The following NRXN3 variants were observed in gnomAD, a reference collection of about 807,000 sequenced individuals.
NRXN3 encodes the protein neurexin 3.
NRXN3 carries 32 observed loss-of-function variants against 137.6 expected under a neutral mutation model. The observed-to-expected ratio is 0.23, with a 90% CI of 0.18 to 0.31. The LOEUF (loss-of-function observed/expected upper bound fraction) is 0.31, where lower values mean the gene tolerates loss of function less well. NRXN3 is among the 10% of genes least tolerant of loss of function. The pLI, the probability that NRXN3 is intolerant of heterozygous loss-of-function variation, is 1.00. For missense variants in NRXN3, 1,574 were observed against 2,062.5 expected (o/e 0.76, Z 4.59); for synonymous variants, 798 against 784.5 (o/e 1.02, Z -0.29).
intron 15 of NRXN3, among the ~76,000 whole-genome samples, chr14:79,223,103 A>C (rs1448402186): frequency 1.3e-5 from 2 of 152,190 alleles, no homozygotes; most frequent in Admixed American, 6.5e-5. Context: ...CCTGAGTTAG[A>C]AAACTGACCT....
chr14:79,805,236 C>A (rs1449876214), intron 20 of NRXN3, 46 bp downstream of exon 20: 2 of 1,413,688 alleles, frequency 1.4e-6, no homozygotes, highest in Non-Finnish European at 1.0e-6. Context: ...TTTTCTTTTG[C>A]AAAAAACAAT....
chr14:79,664,709 C>T (rs922673442), intron 17 of NRXN3, among the ~76,000 whole-genome samples: 1 of 152,152 alleles, frequency 6.6e-6, no homozygotes, highest in African/African-American at 2.4e-5. Flanking sequence ...TCAGCTTTCC[C>T]TCTTGCCTCT....
chr14:79,147,776 T>G (rs1274244410), intron 15 of NRXN3, among the ~76,000 whole-genome samples: 2 of 152,146 alleles, frequency 1.3e-5, no homozygotes, highest in Middle Eastern at 3.2e-3. Context: ...GCATCGTTGC[T>G]TTCCAGATGC....
chr14:79,197,818 G>A lies in NRXN3; in HGVS notation c.3262+209677G>A, dbSNP rs114349976. On this transcript the variant is annotated intron_variant, in intron 15 of 20. Transcript: ENST00000335750. Reference sequence around the variant, plus strand: ...CATGAAAGACTTCTTTGTAGCATGCGATGCTATTTGATAGCATTTTACCCA... The same window carrying A: ...CATGAAAGACTTCTTTGTAGCATGCAATGCTATTTGATAGCATTTTACCCA... Among the ~76,000 whole-genome samples the A allele has an allele frequency of 2.0e-3, 303 of 152,248 alleles. 1 individual carries two copies. Among genetic ancestry groups the A allele is most frequent in the African/African-American group, 6.3e-3 (261 of 41,538 alleles).
At chr14:79,835,742 G>A (rs2099339892) in intron 20 of NRXN3, among the ~76,000 whole-genome samples, 1 of 152,134 alleles carries the variant, frequency 6.6e-6, no homozygotes, top group South Asian at 2.1e-4. Context: ...ATTGCCCTGG[G>A]TTTCATATTT....
At chr14:79,529,162 T>C (rs2097147922) in intron 16 of NRXN3, among the ~76,000 whole-genome samples, 1 of 152,124 alleles carries the variant, frequency 6.6e-6, no homozygotes, top group African/African-American at 2.4e-5. Flanking sequence ...ACAATTTCTG[T>C]CCCTTTTAAT....
chr14:78,948,967 C>G (rs2099378919), intron 10 of NRXN3, among the ~76,000 whole-genome samples: 1 of 152,122 alleles, frequency 6.6e-6, no homozygotes, highest in East Asian at 1.9e-4. Context: ...GAGCTTTGCT[C>G]TGTCTCTTGA....
Position 78,966,021 on chromosome 14 carries a change from A to C in NRXN3, c.2396-4A>C. On this transcript the variant is annotated splice_region_variant and splice_polypyrimidine_tract_variant and intron_variant, in intron 11 of 20. Transcript: ENST00000335750. ...TGTTTGTACCTCATTTACAATTTTC[A>C]CAGGTACAATGGTGGGAGACCATAC... is the stretch of plus-strand genomic sequence containing the variant. 1.9e-6 allele frequency: 3 copies of C among 1,609,548 alleles called. No individual in the cohort carries two copies. The highest frequency in any genetic ancestry group is 2.5e-6 in the Non-Finnish European group (3 of 1,176,950).
chr14:79,543,783 G>A (rs1017611209), intron 16 of NRXN3, among the ~76,000 whole-genome samples: 1 of 152,216 alleles, frequency 6.6e-6, no homozygotes, highest in Admixed American at 6.5e-5. Flanking sequence ...AGTGCACAGT[G>A]GCCACTCAGC....
At chr14:79,340,610 C>A (rs1598900098) in intron 15 of NRXN3, among the ~76,000 whole-genome samples, 2 of 152,234 alleles carry the variant, frequency 1.3e-5, no homozygotes, top group South Asian at 4.1e-4. Flanking sequence ...GGATTACAGG[C>A]ATGCACCACC....
At chr14:78,405,371 G>A (rs2092407777) in intron 4 of NRXN3, among the ~76,000 whole-genome samples, 1 of 152,156 alleles carries the variant, frequency 6.6e-6, no homozygotes, top group Admixed American at 6.6e-5. Context: ...CTCTGTCATA[G>A]CTTCACAGTG....
intron 10 of NRXN3, among the ~76,000 whole-genome samples, chr14:78,937,207 CAAAGA>C (rs903052764): frequency 1.5e-4 from 21 of 140,198 alleles, no homozygotes; most frequent in Middle Eastern, 3.7e-3. Context: ...AAAAAAGAAA[CAAAGA>C]AAAGAAAAGA....
chr14:78,275,440 C>T (rs2153494587), intron 2 of NRXN3, among the ~76,000 whole-genome samples: 1 of 152,248 alleles, frequency 6.6e-6, no homozygotes. Context: ...AGGCAGTTGC[C>T]TCTAGATGAG....
At chr14:79,689,507 C>T (rs1232135689) in intron 17 of NRXN3, among the ~76,000 whole-genome samples, 2 of 152,052 alleles carry the variant, frequency 1.3e-5, no homozygotes, top group East Asian at 3.9e-4. Context: ...TCCAAATGAC[C>T]TTCCATCTTT....
intron 6 of NRXN3, among the ~76,000 whole-genome samples, chr14:78,666,175 T>C (rs1302188290): frequency 1.3e-5 from 2 of 152,244 alleles, no homozygotes; most frequent in East Asian, 3.8e-4. Context: ...TACAGTATTT[T>C]TGACTATATT....
intron 15 of NRXN3, among the ~76,000 whole-genome samples, chr14:79,092,311 T>G (rs1293811020): frequency 3.9e-5 from 6 of 152,196 alleles, no homozygotes; most frequent in Admixed American, 2.0e-4. Context: ...ATCACATGAT[T>G]AATACATGCT....
At chr14:78,250,781 C>A (rs1232861549) in intron 2 of NRXN3, among the ~76,000 whole-genome samples, 2 of 152,182 alleles carry the variant, frequency 1.3e-5, no homozygotes, top group Non-Finnish European at 2.9e-5. Flanking sequence ...CTCAATGTGG[C>A]ATTTTACCTC....
chr14:78,732,730 G>A (rs1258354755), intron 8 of NRXN3, among the ~76,000 whole-genome samples: 1 of 152,130 alleles, frequency 6.6e-6, no homozygotes. Flanking sequence ...AATGAAGCCT[G>A]AGACCTAAAA....
intron 8 of NRXN3, among the ~76,000 whole-genome samples, chr14:78,760,336 C>T (rs1053109017): frequency 1.3e-5 from 2 of 150,854 alleles, no homozygotes; most frequent in African/African-American, 4.9e-5. Context: ...GCCACTGCGC[C>T]CCACCTGAGC....
Sources: gnomAD v4.1 joint callset for allele counts (sites outside exome capture counted in the v4.1 genomes callset) on GRCh38, gnomAD v4.1.1 for gene constraint, MANE v1.5 for transcripts, NCBI Gene and HGNC (gene_info 2026-07-23, HGNC 2026-07-21) for gene names.